LEMD3: variants seen among roughly 807,000 people sequenced by gnomAD.
The protein encoded by LEMD3 is LEM domain containing 3, also known as inner nuclear membrane protein Man1.
Under a neutral mutation model 95.2 loss-of-function variants are expected in LEMD3, and 33 were observed. The ratio of observed to expected loss-of-function variants is 0.35; its 90% CI spans 0.26 to 0.46. The LOEUF is 0.46. Among genes scored for constraint, LEMD3 ranks in the 20% least tolerant of loss-of-function variants. The pLI is 1.00. For synonymous variants in LEMD3, 525 were observed against 474.6 expected (o/e 1.11, Z -1.38); for missense variants, 1,210 against 1,192.8 (o/e 1.01, Z -0.21).
Position 65,218,555 on chromosome 12 carries a change from A to T in LEMD3, c.1631A>T (p.Asp544Val), listed in dbSNP as rs774273011. Residue 544 changes from aspartate (D) to valine (V), a missense_variant, in exon 4 of 13, where the codon GAT (aspartate) becomes GTT (valine). By Grantham distance (152) the Asp-to-Val change is radical (BLOSUM62 -3). Transcript: ENST00000308330. The part of the protein sequence containing the change: ...LHDRLAQLAG[D>V]HECGSSSQRT... ...AATAATATGCTAATCTTTCCAGGAG[A>T]TCATGAATGTGGCAGTTCTAGTCAA... 5 of 1,599,452 alleles carry T rather than the reference A, an allele frequency of 3.1e-6. No homozygotes were observed. Among genetic ancestry groups the T allele is most frequent in the African/African-American group, 2.7e-5 (2 of 74,610 alleles).
intron 1 of LEMD3, among the ~76,000 whole-genome samples, chr12:65,184,280 A>G (rs542330396): frequency 2.0e-5 from 3 of 152,176 alleles, no homozygotes; most frequent in Non-Finnish European, 2.9e-5. Context: ...GCAGTCCCTA[A>G]TTTTTGAATA....
In LEMD3 at chr12:65,238,688, G is replaced by A. The variant is rs1335235455; in HGVS notation, c.1795G>A (p.Glu599Lys). The part of the protein sequence containing the change: ...VGIRCVGFGP[E>K]EELTNITDVQ... ...AAATAGGTGTGTTGGTTTTGGCCCT[G>A]AGGAAGAATTGACAAATATAACTGA... The change falls in exon 6 of 13, where the codon GAG (glutamate) becomes AAG (lysine). Residue 599 changes from glutamate (E) to lysine (K), a missense_variant. Transcript: ENST00000308330. The A allele has an allele frequency of 6.2e-7, 1 of 1,614,082 alleles. No individual in the cohort carries two copies. Among genetic ancestry groups the A allele is most frequent in the Non-Finnish European group, 8.5e-7 (1 of 1,179,960 alleles).
In LEMD3 at chr12:65,248,318, A is replaced by G. The variant is rs201552989; in HGVS notation, c.*1993A>G. 6.6e-6 allele frequency: 1 copy of G among 152,108 alleles called. No homozygotes were observed. Among genetic ancestry groups the G allele is most frequent in the East Asian group, 1.9e-4 (1 of 5,194 alleles). The allele number at this position is 152,108 out of a possible 1,614,324, so 9.4% of individuals were successfully genotyped here. A position where few individuals can be genotyped will look rare whatever the true frequency, so the allele number is the denominator to read the frequency against. ...AGGAAAAAATTCTAATTAAAAATTT[A>G]TTAGTTTTTTTTTATGTGTCTTGGC... is the stretch of plus-strand genomic sequence containing the variant. On this transcript the variant is annotated 3_prime_UTR_variant, in exon 13 of 13. Transcript: ENST00000308330.
At chr12:65,218,215 G>A (rs1171057536) in intron 3 of LEMD3, among the ~76,000 whole-genome samples, 2 of 152,136 alleles carry the variant, frequency 1.3e-5, no homozygotes, top group Non-Finnish European at 2.9e-5. Context: ...AAGATCTGTG[G>A]ATAGGCATCA....
rs201542546 is a variant in LEMD3 at position 65,170,705 on chromosome 12, C to T, written c.1109C>T (p.Pro370Leu). 1.2e-6 allele frequency: 2 copies of T among 1,614,212 alleles called. No homozygotes were observed. Among genetic ancestry groups the T allele is most frequent in the East Asian group, 2.2e-5 (1 of 44,880 alleles). Residue 370 changes from proline to leucine, a missense_variant, in exon 1 of 13, where the codon CCG becomes CTG. Transcript: ENST00000308330. ...NAKKLTPLLP[P>L]PLTDMDSTLD... ...AAGAAACTGACCCCTCTCCTGCCCC[C>T]GCCACTTACTGACATGGACTCAACC...
intron 1 of LEMD3, among the ~76,000 whole-genome samples, chr12:65,204,428 G>A (rs561965526): frequency 6.6e-6 from 1 of 152,228 alleles, no homozygotes; most frequent in South Asian, 2.1e-4. Flanking sequence ...AGAACATAGA[G>A]TATTTGGTTT....
At chr12:65,244,623 T>C (rs1408448519) in intron 10 of LEMD3, among the ~76,000 whole-genome samples, 1 of 152,160 alleles carries the variant, frequency 6.6e-6, no homozygotes, top group Non-Finnish European at 1.5e-5. Context: ...GAATTTTCTT[T>C]AGGAATTTGA....
At chr12:65,179,070 T>C (rs1289009738) in intron 1 of LEMD3, among the ~76,000 whole-genome samples, 2 of 152,112 alleles carry the variant, frequency 1.3e-5, no homozygotes, top group Non-Finnish European at 1.5e-5. Flanking sequence ...CATAGAACAA[T>C]AATACAATAT....
chr12:65,243,542 T>C (rs1235148845), intron 10 of LEMD3, 73 bp downstream of exon 10: 5 of 849,746 alleles, frequency 5.9e-6, no homozygotes, highest in East Asian at 2.4e-5. Flanking sequence ...GATATTCTTA[T>C]AATGGTGTGT....
At chr12:65,191,123 A>C (rs1331262021) in intron 1 of LEMD3, among the ~76,000 whole-genome samples, 3 of 152,014 alleles carry the variant, frequency 2.0e-5, no homozygotes, top group Admixed American at 6.6e-5. Flanking sequence ...AGTGTTGTGG[A>C]AACTCTTAGC....
intron 1 of LEMD3, among the ~76,000 whole-genome samples, chr12:65,189,435 G>T (rs1592435385): frequency 6.6e-6 from 1 of 152,322 alleles, no homozygotes; most frequent in East Asian, 1.9e-4. Flanking sequence ...TCCCTGGTTT[G>T]CAGTTTGAAT....
rs142469205 is a variant in LEMD3 at position 65,228,947 on chromosome 12, A to T, written c.1696-9555A>T. 6.7e-4 allele frequency among the ~76,000 whole-genome samples: 102 copies of T among 152,252 alleles called. 3 individuals carry two copies. In the East Asian group the frequency reaches 0.017, roughly 26 times the overall value. On this transcript the variant is annotated intron_variant, in intron 4 of 12. Coordinates refer to ENST00000308330, the MANE Select transcript of LEMD3 (RefSeq NM_014319.5). The stretch of plus-strand genomic sequence containing the variant: ...GAATTTATTCCTCCTACCTAGTTAT[A>T]ATTTCATTTAACCAACCTCTGGCTA...
At chr12:65,188,198 T>A (rs1343503658) in intron 1 of LEMD3, among the ~76,000 whole-genome samples, 1 of 152,070 alleles carries the variant, frequency 6.6e-6, no homozygotes, top group African/African-American at 2.4e-5. Context: ...ACTCTTTTAA[T>A]ATTGGATAAA....
At position 65,171,113 on chromosome 12, in the gene LEMD3, T is replaced by C; in HGVS notation, c.1517T>C (p.Leu506Pro). Residue 506 changes from leucine to proline, a missense_variant, in exon 1 of 13, where the codon CTC (leucine) becomes CCC (proline). Physicochemically the swap from Leu to Pro is moderately conservative, Grantham distance 98. Transcript: ENST00000308330. ...ACAGGAGTATCTGAGGATGGAGAAC[T>C]CAGCAGTAAGTATTAAATCCTGTGG... ...RGTGVSEDGE[L>P]SIENPFGETF... 6.2e-7 allele frequency: 1 copy of C among 1,611,104 alleles called. No individual in the cohort carries two copies. Among genetic ancestry groups the C allele is most frequent in the Non-Finnish European group, 8.5e-7 (1 of 1,179,988 alleles).
At chr12:65,204,096 T>G (rs1415271863) in intron 1 of LEMD3, among the ~76,000 whole-genome samples, 3 of 152,026 alleles carry the variant, frequency 2.0e-5, no homozygotes, top group African/African-American at 7.2e-5. Context: ...ATGTTTTAAT[T>G]GGTGCATTTA....
chr12:65,215,742 C>T (rs1016197014), intron 2 of LEMD3, among the ~76,000 whole-genome samples: 6 of 152,016 alleles, frequency 3.9e-5, no homozygotes, highest in African/African-American at 1.4e-4. Context: ...TAGCACTAAC[C>T]TTATGCCAAT....
chr12:65,174,815 A>C (rs756211735), intron 1 of LEMD3, among the ~76,000 whole-genome samples: 8 of 152,228 alleles, frequency 5.3e-5, no homozygotes, highest in Non-Finnish European at 8.8e-5. Flanking sequence ...GGAATGGACA[A>C]GTAAATAAGA....
intron 4 of LEMD3, among the ~76,000 whole-genome samples, chr12:65,228,472 C>T (rs1011456956): frequency 1.3e-5 from 2 of 151,422 alleles, no homozygotes; most frequent in Non-Finnish European, 2.9e-5. Context: ...CTCGGCTCAC[C>T]GCAAGCTCTC....
chr12:65,191,128 C>A lies in LEMD3; in HGVS notation c.1523-19798C>A, dbSNP rs553922931. On this transcript the variant is annotated intron_variant, in intron 1 of 12. Transcript: ENST00000308330. Reference sequence around the variant, plus strand: ...TTTCTTTAATAGTGTTGTGGAAACTCTTAGCCAGAGCAATGGTATAATCTT... The same window carrying A: ...TTTCTTTAATAGTGTTGTGGAAACTATTAGCCAGAGCAATGGTATAATCTT... Among the ~76,000 whole-genome samples, 3 of 152,122 alleles carry A rather than the reference C, an allele frequency of 2.0e-5. No individual in the cohort carries two copies. In the South Asian group the frequency reaches 6.2e-4, roughly 32 times the overall value.
Sources: allele counts gnomAD v4.1 joint callset (sites outside exome capture counted in the v4.1 genomes callset), GRCh38; gene constraint gnomAD v4.1.1; transcripts MANE v1.5; gene names NCBI Gene and HGNC (gene_info 2026-07-23, HGNC 2026-07-21).